The following PTPN2 variants were observed in gnomAD, a reference collection of about 807,000 sequenced individuals.
PTPN2 encodes the protein tyrosine-protein phosphatase non-receptor type 2.
A neutral mutation model predicts 57.3 loss-of-function variants in PTPN2; 19 were observed. The observed-to-expected ratio is 0.33, with a 90% confidence interval of 0.23 to 0.49. The LOEUF (loss-of-function observed/expected upper bound fraction) is 0.49, where lower values mean the gene tolerates loss of function less well. PTPN2 is among the 20% of genes least tolerant of loss of function. The pLI is 0.99. For synonymous variants in PTPN2, 153 were observed against 164.9 expected, an observed-to-expected ratio of 0.93 and a Z score of 0.55; for missense variants, 358 against 501.1, an observed-to-expected ratio of 0.71 and a Z score of 2.73.
At chr18:12,837,062 T>A (rs924294913) in intron 2 of PTPN2, among the ~76,000 whole-genome samples, 171 bp from the exon 3 acceptor site, 5 of 152,094 alleles carry the variant, frequency 3.3e-5, no homozygotes, top group Non-Finnish European at 7.4e-5. Flanking sequence ...TTGTAAGGAG[T>A]ATAAAATGCA....
intron 2 of PTPN2, 55 bp from the exon 3 acceptor site, chr18:12,836,946 C>A: frequency 2.8e-6 from 3 of 1,055,820 alleles, no homozygotes; most frequent in Admixed American, 1.9e-5. Context: ...CTGTTTTTAT[C>A]TTCATATTAA....
At chr18:12,848,491 G>A (rs943942984) in intron 2 of PTPN2, among the ~76,000 whole-genome samples, 2 of 152,222 alleles carry the variant, frequency 1.3e-5, no homozygotes, top group Admixed American at 1.3e-4. Flanking sequence ...GACTTCTAAG[G>A]CTAGGTCACA....
At chr18:12,826,023 A>G (rs1598797712) in intron 4 of PTPN2, 79 bp from the exon 5 acceptor site, 1 of 1,204,018 alleles carries the variant, frequency 8.3e-7, no homozygotes, top group East Asian at 2.5e-5. Context: ...ATGAAAACAA[A>G]CCAGATATAT....
At chr18:12,876,963 A>G (rs1455187438) in intron 1 of PTPN2, among the ~76,000 whole-genome samples, 1 of 152,246 alleles carries the variant, frequency 6.6e-6, no homozygotes, top group Non-Finnish European at 1.5e-5. Context: ...AAAGCACTAC[A>G]GGTAGTCACA....
chr18:12,882,537 T>C (rs1209201547), intron 1 of PTPN2, among the ~76,000 whole-genome samples: 1 of 152,050 alleles, frequency 6.6e-6, no homozygotes, highest in East Asian at 1.9e-4. Flanking sequence ...TTTCGATATA[T>C]AACCTATCCC....
At chr18:12,840,687 C>G in intron 2 of PTPN2, 15 of 1,596,302 alleles carry the variant, frequency 9.4e-6, no homozygotes, top group Non-Finnish European at 1.3e-5. Flanking sequence ...AAAATGAAAC[C>G]TAGATTTGTG....
chr18:12,836,644 T>C (rs1217563602), intron 3 of PTPN2, 147 bp downstream of exon 3: 1 of 572,188 alleles, frequency 1.7e-6, no homozygotes. Flanking sequence ...AACCTTATAA[T>C]GTCCATAATT....
At chr18:12,834,523 G>C (rs1420003905) in intron 3 of PTPN2, among the ~76,000 whole-genome samples, 1 of 151,990 alleles carries the variant, frequency 6.6e-6, no homozygotes, top group African/African-American at 2.4e-5. Flanking sequence ...ATTCATAATA[G>C]GGTTTTTATG....
At position 12,817,159 on chromosome 18, in the gene PTPN2, AACAAG is replaced by A; in HGVS notation, c.697_701del (p.Leu233PhefsTer7). The A allele has an allele frequency of 6.2e-7, 1 of 1,612,674 alleles. No homozygotes were observed. The highest frequency in any genetic ancestry group is 8.5e-7 in the Non-Finnish European group (1 of 1,179,594). On this transcript the variant is annotated frameshift_variant, in exon 6 of 9. Coordinates refer to ENST00000309660, the MANE Select transcript of PTPN2 (RefSeq NM_002828.4). LOFTEE classifies it high-confidence loss of function. ...TGAGATCGTAAGAAGCACTTACCAA[AACAAG>A]ACAAGTGTCTACCAGAGAGAAGGTG...
At chr18:12,828,597 G>A (rs1467045760) in intron 4 of PTPN2, among the ~76,000 whole-genome samples, 3 of 152,146 alleles carry the variant, frequency 2.0e-5, no homozygotes, top group African/African-American at 4.8e-5. Flanking sequence ...AAAGGAAATA[G>A]CAGATGTAAG....
At chr18:12,862,781 T>G (rs1174493852) in intron 1 of PTPN2, 4 of 152,254 alleles carry the variant, frequency 2.6e-5, no homozygotes, top group African/African-American at 7.2e-5. Flanking sequence ...CATTGAGTCA[T>G]GGGTGACATC....
intron 7 of PTPN2, among the ~76,000 whole-genome samples, chr18:12,811,898 C>A (rs2041903650): frequency 6.6e-6 from 1 of 152,112 alleles, no homozygotes; most frequent in Admixed American, 6.5e-5. Flanking sequence ...GGAGCCATGC[C>A]CCCCACACAA....
chr18:12,856,015 G>C (rs1218585002), intron 2 of PTPN2, among the ~76,000 whole-genome samples: 3 of 152,184 alleles, frequency 2.0e-5, no homozygotes, highest in African/African-American at 4.8e-5. Context: ...GTGAAAGCTG[G>C]AATGACAGAA....
intron 8 of PTPN2, among the ~76,000 whole-genome samples, chr18:12,795,362 T>C (rs1268413712): frequency 1.3e-5 from 2 of 152,154 alleles, no homozygotes; most frequent in Non-Finnish European, 2.9e-5. Flanking sequence ...GGCACGATCT[T>C]GGCTCACTGC....
chr18:12,820,432 A>G (rs2042231383), intron 5 of PTPN2, among the ~76,000 whole-genome samples: 1 of 152,180 alleles, frequency 6.6e-6, no homozygotes, highest in South Asian at 2.1e-4. Context: ...AAACATTCAT[A>G]TGCATGACTG....
At chr18:12,866,524 G>A (rs2044000148) in intron 1 of PTPN2, among the ~76,000 whole-genome samples, 1 of 152,118 alleles carries the variant, frequency 6.6e-6, no homozygotes. Context: ...ACCAGGACAG[G>A]GAAATCTGGA....
At chr18:12,822,571 C>A (rs1299110697) in intron 5 of PTPN2, among the ~76,000 whole-genome samples, 1 of 152,162 alleles carries the variant, frequency 6.6e-6, no homozygotes, top group Non-Finnish European at 1.5e-5. Context: ...TTCCATTAGA[C>A]TGGAGGAGGC....
intron 5 of PTPN2, among the ~76,000 whole-genome samples, chr18:12,818,111 C>T (rs544166870): frequency 9.7e-4 from 148 of 152,116 alleles, no homozygotes; most frequent in African/African-American, 3.4e-3. Context: ...CATTGCACGC[C>T]AGCTTGGGCA....
At chr18:12,847,780 G>A (rs890775404) in intron 2 of PTPN2, among the ~76,000 whole-genome samples, 8 of 151,550 alleles carry the variant, frequency 5.3e-5, no homozygotes, top group Non-Finnish European at 7.4e-5. Flanking sequence ...CAGCCACCAC[G>A]CCCAACTAAT....
Sources: allele counts gnomAD v4.1 joint callset (sites outside exome capture counted in the v4.1 genomes callset), GRCh38; gene constraint gnomAD v4.1.1; transcripts MANE v1.5; gene names NCBI Gene and HGNC (gene_info 2026-07-23, HGNC 2026-07-21).